The following EPHA6 variants were observed in gnomAD, a reference collection of about 807,000 sequenced individuals.
EPHA6 encodes ephrin type-A receptor 6.
In EPHA6, 50 loss-of-function variants were observed where a neutral mutation model predicts 112.0. The observed-to-expected ratio is 0.45, with a 90% confidence interval of 0.36 to 0.56. EPHA6 has a LOEUF of 0.56. Among genes scored for constraint, EPHA6 ranks in the 20% least tolerant of loss-of-function variants. The pLI, the probability that EPHA6 is intolerant of heterozygous loss-of-function variation, is 0.00. For missense variants in EPHA6, 1,280 were observed against 1,417.4 expected (o/e 0.90, Z 1.56); for synonymous variants, 529 against 490.7 (o/e 1.08, Z -1.03).
At chr3:96,870,672 G>C (rs1342525500) in intron 2 of EPHA6, among the ~76,000 whole-genome samples, 3 of 152,028 alleles carry the variant, frequency 2.0e-5, no homozygotes, top group Non-Finnish European at 2.9e-5. Context: ...AATAAAAGCT[G>C]TAAGTAAACC....
At position 96,953,745 on chromosome 3, in the gene EPHA6, C is replaced by T. The variant is rs572041119; in HGVS notation, c.451-33585C>T. On this transcript the variant is annotated intron_variant, in intron 2 of 17. Transcript: ENST00000389672. The stretch of plus-strand genomic sequence containing the variant: ...GCTGATCTATCCATGTTTGACATTC[C>T]TTCTTTCTCTTATACCCCATATTCA... 3.3e-5 allele frequency among the ~76,000 whole-genome samples: 5 copies of T among 152,302 alleles called. No homozygotes were observed. In the South Asian group the frequency reaches 1.0e-3, roughly 32 times the overall value.
chr3:97,252,537 A>C (rs964141425), intron 5 of EPHA6, among the ~76,000 whole-genome samples: 3 of 152,102 alleles, frequency 2.0e-5, no homozygotes, highest in African/African-American at 7.2e-5. Flanking sequence ...TGAACAGGCA[A>C]CCCAGGAATG....
At chr3:97,449,359 C>T (rs1459122734) in intron 7 of EPHA6, among the ~76,000 whole-genome samples, 1 of 152,046 alleles carries the variant, frequency 6.6e-6, no homozygotes, top group Non-Finnish European at 1.5e-5. Context: ...TTACTGCTCT[C>T]TTTGTGAGAA....
chr3:97,745,961 G>A (rs926363187), intron 16 of EPHA6, among the ~76,000 whole-genome samples: 5 of 151,652 alleles, frequency 3.3e-5, no homozygotes, highest in African/African-American at 9.7e-5. Flanking sequence ...TCACAGTAGG[G>A]GAATTCTTAC....
At chr3:97,078,377 G>A (rs2046608106) in intron 3 of EPHA6, among the ~76,000 whole-genome samples, 2 of 152,044 alleles carry the variant, frequency 1.3e-5, no homozygotes, top group South Asian at 4.1e-4. Context: ...TTCTTTTGCT[G>A]TGCAGAAGCT....
At chr3:97,715,342 G>C (rs1338488328) in intron 14 of EPHA6, among the ~76,000 whole-genome samples, 1 of 152,184 alleles carries the variant, frequency 6.6e-6, no homozygotes, top group Non-Finnish European at 1.5e-5. Context: ...AGGTCACACA[G>C]TGAACTATAG....
intron 16 of EPHA6, among the ~76,000 whole-genome samples, chr3:97,739,109 A>G (rs1021036600): frequency 2.6e-5 from 4 of 152,064 alleles, no homozygotes; most frequent in Non-Finnish European, 4.4e-5. Flanking sequence ...CTGCTTCTCT[A>G]TCTCCCAAAT....
chr3:96,931,414 G>A (rs541944722), intron 2 of EPHA6, among the ~76,000 whole-genome samples: 2 of 152,228 alleles, frequency 1.3e-5, no homozygotes, highest in South Asian at 2.1e-4. Context: ...AGAGATGGTG[G>A]CCTCACCTCC....
At chr3:97,348,651 T>G (rs1027251846) in intron 5 of EPHA6, among the ~76,000 whole-genome samples, 1 of 152,014 alleles carries the variant, frequency 6.6e-6, no homozygotes, top group Non-Finnish European at 1.5e-5. Flanking sequence ...TGAAACTACA[T>G]AAATACAGGA....
chr3:96,953,333 G>A (rs2041626748), intron 2 of EPHA6, among the ~76,000 whole-genome samples: 1 of 152,140 alleles, frequency 6.6e-6, no homozygotes, highest in Non-Finnish European at 1.5e-5. Flanking sequence ...AAAGTGGCAA[G>A]TCAATTGCCA....
chr3:97,182,060 T>A (rs923182948), intron 3 of EPHA6, among the ~76,000 whole-genome samples: 18 of 152,090 alleles, frequency 1.2e-4, no homozygotes, highest in Non-Finnish European at 2.1e-4. Context: ...CTGGTGGCCA[T>A]ACCCCAGAGA....
intron 5 of EPHA6, among the ~76,000 whole-genome samples, chr3:97,368,080 G>A (rs1311868773): frequency 6.6e-6 from 1 of 152,068 alleles, no homozygotes; most frequent in Admixed American, 6.5e-5. Flanking sequence ...CAACATTACT[G>A]TATGTTGATA....
intron 7 of EPHA6, among the ~76,000 whole-genome samples, chr3:97,456,680 C>T (rs1480068135): frequency 6.6e-6 from 1 of 152,070 alleles, no homozygotes; most frequent in East Asian, 1.9e-4. Flanking sequence ...TATATGGTCT[C>T]TGTCCTCAGG....
At chr3:97,196,755 G>C (rs924694372) in intron 3 of EPHA6, among the ~76,000 whole-genome samples, 5 of 151,922 alleles carry the variant, frequency 3.3e-5, no homozygotes, top group African/African-American at 9.7e-5. Flanking sequence ...TGTCTCGGTG[G>C]TCTTGGGTAA....
At position 96,897,835 on chromosome 3, in the gene EPHA6, C is replaced by T. The variant is rs115400168; in HGVS notation, c.450+30946C>T. Among the ~76,000 whole-genome samples, 445 of 152,242 alleles carry T rather than the reference C, an allele frequency of 2.9e-3. 4 individuals carry two copies. The highest frequency in any genetic ancestry group is 9.7e-3 in the African/African-American group (403 of 41,548). ...GATGTAACAGACATTTTCAGCACAT[C>T]TTGGCCTATCAGAATATATGAATTT... On this transcript the variant is annotated intron_variant, in intron 2 of 17. Transcript: ENST00000389672.
At chr3:97,373,466 T>G (rs1246528974) in intron 5 of EPHA6, among the ~76,000 whole-genome samples, 2 of 152,126 alleles carry the variant, frequency 1.3e-5, no homozygotes, top group Non-Finnish European at 2.9e-5. Context: ...GTGATTACAT[T>G]CAATTCTTTG....
intron 11 of EPHA6, among the ~76,000 whole-genome samples, chr3:97,545,275 C>T (rs935221743): frequency 3.9e-5 from 6 of 152,022 alleles, no homozygotes; most frequent in Non-Finnish European, 4.4e-5. Context: ...TCTTTGTTCT[C>T]GTTGGTTTCA....
intron 10 of EPHA6, among the ~76,000 whole-genome samples, chr3:97,505,224 T>C (rs1328063007): frequency 1.3e-5 from 2 of 152,334 alleles, no homozygotes; most frequent in Admixed American, 6.5e-5. Context: ...AGTTCTGGGA[T>C]ACATGTGCAG....
intron 2 of EPHA6, among the ~76,000 whole-genome samples, chr3:96,874,133 C>T (rs2036806111): frequency 6.6e-6 from 1 of 152,062 alleles, no homozygotes; most frequent in African/African-American, 2.4e-5. Context: ...TGAAAGGACT[C>T]TCTTAAGGCT....
Sources: gnomAD v4.1 joint callset for allele counts (sites outside exome capture counted in the v4.1 genomes callset) on GRCh38, gnomAD v4.1.1 for gene constraint, MANE v1.5 for transcripts, NCBI Gene and HGNC (gene_info 2026-07-23, HGNC 2026-07-21) for gene names.